Variants in UTP20 observed in about 807,000 individuals in gnomAD.
The protein encoded by UTP20 is UTP20 small subunit processome component.
In UTP20, 164 loss-of-function variants were observed where a neutral mutation model predicts 329.5. That is an observed-to-expected ratio of 0.50 (90% confidence interval 0.44 to 0.57). UTP20 has a LOEUF of 0.57. UTP20 is among the 20% of genes least tolerant of loss of function. The pLI is 0.00. For synonymous variants in UTP20, 1,151 were observed against 1,159.3 expected (o/e 0.99, Z 0.14); for missense variants, 3,055 against 3,284.2 (o/e 0.93, Z 1.71).
rs1330692306 is a variant in UTP20 at position 101,310,595 on chromosome 12, A to AAAAAAAAAAAAG, written c.2231+759_2231+760insAAAAAAAAGAAA. Among the ~76,000 whole-genome samples the AAAAAAAAAAAAG allele has an allele frequency of 1.1e-3, 129 of 121,710 alleles. 5 individuals are homozygous for AAAAAAAAAAAAG. The highest frequency in any genetic ancestry group is 2.1e-3 in the Non-Finnish European group (103 of 49,768). The allele number at this position is 121,710 out of a possible 152,430, so 79.8% of individuals were successfully genotyped here. ...TGTCTCCCAAAAAAAAAAAAAAAAA[A>AAAAAAAAAAAAG]AAATACATGTTATGGCTCATGTGTA... On this transcript the variant is annotated intron_variant, in intron 19 of 61. Coordinates refer to ENST00000261637, the MANE Select transcript of UTP20 (RefSeq NM_014503.3).
chr12:101,326,902 T>G, intron 25 of UTP20, 179 bp from the exon 26 acceptor site: 1 of 646,238 alleles, frequency 1.5e-6, no homozygotes, highest in Non-Finnish European at 2.4e-6. Flanking sequence ...TTAGCCTTAT[T>G]TTGTTGTTGA....
chr12:101,386,102 A>T lies in UTP20; in HGVS notation c.8337A>T (p.Lys2779Asn), dbSNP rs1280490446. ...AGAGACAAAAAAGCCATAGCCTGAA[A>T]GATTTAGCAATGGTGGAGTAATGTC... is the stretch of plus-strand genomic sequence containing the variant. The part of the protein sequence containing the change: ...KAKRQKSHSL[K>N]DLAMVE The change falls in exon 62 of 62, where the codon AAA becomes AAT. Residue 2779 changes from lysine to asparagine, a missense_variant. Around this residue, in one of 3 missense-constraint regions of UTP20, gnomAD observed 337 missense variants for 345.5 expected, o/e 0.98. Transcript: ENST00000261637. 6.2e-7 allele frequency: 1 copy of T among 1,606,284 alleles called. No homozygotes were observed.
rs760099420 is a variant in UTP20 at position 101,327,179 on chromosome 12, G to T, written c.3140G>T (p.Gly1047Val). The T allele has an allele frequency of 1.9e-6, 3 of 1,613,042 alleles. No homozygotes were observed. The highest frequency in any genetic ancestry group is 2.5e-6 in the Non-Finnish European group (3 of 1,179,156). ...RMAIVLRFLAGTQPEEIQIFL... is the reference protein window; with the variant it reads ...RMAIVLRFLAVTQPEEIQIFL... ...GCCATTGTCCTGCGGTTCCTGGCCG[G>T]GACCCAACCTGAGGAGATCCAGATA... The change falls in exon 26 of 62, where the codon GGG becomes GTG. Residue 1047 changes from glycine to valine, a missense_variant. Coordinates refer to ENST00000261637, the MANE Select transcript of UTP20 (RefSeq NM_014503.3).
rs753475253 is a variant in UTP20 at position 101,312,074 on chromosome 12, G to A, written c.2350G>A (p.Val784Ile). The part of the protein sequence containing the change: ...LQNDMTDEKS[V>I]GDESWEQTQE... The stretch of plus-strand genomic sequence containing the variant: ...GAATGATATGACAGATGAGAAGTCC[G>A]TTGGAGATGAAAGTTGGGAGCAGAC... Residue 784 changes from valine (V) to isoleucine (I), a missense_variant, in exon 21 of 62, where the codon GTT (valine) becomes ATT (isoleucine). By Grantham distance (29) the Val-to-Ile change is conservative. This residue lies in a region of UTP20 where 2,445 missense variants were observed against 2,575.5 expected (regional missense o/e 0.95). Transcript: ENST00000261637. The A allele has an allele frequency of 8.7e-6, 14 of 1,614,106 alleles. No individual in the cohort carries two copies. In the East Asian group the frequency reaches 8.9e-5, roughly 10 times the overall value.
intron 45 of UTP20, 85 bp downstream of exon 45, chr12:101,363,828 A>T: frequency 1.1e-6 from 1 of 876,958 alleles, no homozygotes; most frequent in Non-Finnish European, 1.8e-6. Flanking sequence ...AAACTGAAAC[A>T]CTGTTCTTGA....
In UTP20 at chr12:101,375,735, G is replaced by A. The variant is rs1870449640; in HGVS notation, c.7375G>A (p.Glu2459Lys). The A allele has an allele frequency of 6.3e-7, 1 of 1,578,488 alleles. No homozygotes were observed. Among genetic ancestry groups the A allele is most frequent in the Admixed American group, 1.7e-5 (1 of 58,504 alleles). Residue 2459 changes from glutamate to lysine, a missense_variant, in exon 56 of 62, where the codon GAG (glutamate) becomes AAG (lysine). Physicochemically the swap from Glu to Lys is moderately conservative, Grantham distance 56. This residue lies in a region of UTP20 where 273 missense variants were observed against 363.1 expected (regional missense o/e 0.75). Transcript: ENST00000261637. ...TATTATTCAGTTTACCAAACCCGCTGAGACTTTGAGTAAAATCTGGAGTAA... is the reference window on the plus strand; with the variant it reads ...TATTATTCAGTTTACCAAACCCGCTAAGACTTTGAGTAAAATCTGGAGTAA... ...CNIIQFTKPA[E>K]TLSKIWSHVH...
At chr12:101,379,188 T>G (rs1870567281) in intron 56 of UTP20, among the ~76,000 whole-genome samples, 183 bp from the exon 57 acceptor site, 1 of 152,204 alleles carries the variant, frequency 6.6e-6, no homozygotes, top group Non-Finnish European at 1.5e-5. Context: ...CTAATTCTAT[T>G]TTTGTACACA....
In UTP20 at chr12:101,317,527, C is replaced by T. The variant is rs747352423; in HGVS notation, c.2602C>T (p.Arg868Trp). 24 of 1,613,924 alleles carry T rather than the reference C, an allele frequency of 1.5e-5. No individual in the cohort carries two copies. The highest frequency in any genetic ancestry group is 4.5e-5 in the East Asian group (2 of 44,890). The part of the protein sequence containing the change: ...DLQVAPTQDL[R>W]RKGKGMVAEE... ...GCAAGTTGCTCCAACCCAGGATCTA[C>T]GGAGAAAAGGCAAAGGGATGGTGGC... The change falls in exon 22 of 62, where the codon CGG becomes TGG. Residue 868 changes from arginine (R) to tryptophan (W), a missense_variant. By Grantham distance (101) the Arg-to-Trp change is moderately radical. This residue lies in a region of UTP20 where 2,445 missense variants were observed against 2,575.5 expected (regional missense o/e 0.95). Coordinates refer to ENST00000261637, the MANE Select transcript of UTP20 (RefSeq NM_014503.3).
chr12:101,281,162 T>C lies in UTP20; in HGVS notation c.92T>C (p.Ile31Thr). The C allele has an allele frequency of 6.2e-7, 1 of 1,613,396 alleles. No individual in the cohort carries two copies. The highest frequency in any genetic ancestry group is 1.7e-4 in the Middle Eastern group (1 of 6,046). The change falls in exon 2 of 62, where the codon ATT becomes ACT. Residue 31 changes from isoleucine (I) to threonine (T), a missense_variant. By Grantham distance (89) the Ile-to-Thr change is moderately conservative. This residue lies in a region of UTP20 where 2,445 missense variants were observed against 2,575.5 expected (regional missense o/e 0.95). Coordinates refer to ENST00000261637, the MANE Select transcript of UTP20 (RefSeq NM_014503.3). ...ERLGNVNIDIIHRIDRTASYE... is the reference protein window; with the variant it reads ...ERLGNVNIDITHRIDRTASYE... ...CTGGGGAATGTTAATATTGATATTA[T>C]TCACCGGATTGATAGAACTGCAAGC...
chr12:101,321,176 C>T (rs1868363585), intron 24 of UTP20, among the ~76,000 whole-genome samples: 1 of 152,010 alleles, frequency 6.6e-6, no homozygotes, highest in Non-Finnish European at 1.5e-5. Flanking sequence ...TCATTTTCCT[C>T]TTCTTATTAA....
chr12:101,343,167 G>C, intron 35 of UTP20, 74 bp downstream of exon 35: 1 of 1,070,316 alleles, frequency 9.3e-7, no homozygotes, highest in South Asian at 2.5e-5. Flanking sequence ...ACAGTGACCT[G>C]ATCTTTAAAT....
chr12:101,358,395 T>C (rs1465754944), intron 43 of UTP20, among the ~76,000 whole-genome samples: 1 of 152,252 alleles, frequency 6.6e-6, no homozygotes, highest in Non-Finnish European at 1.5e-5. Context: ...TTGCTTATAA[T>C]TGTCAAACAA....
intron 23 of UTP20, among the ~76,000 whole-genome samples, chr12:101,320,018 T>C (rs12815587): frequency 0.13 from 19,059 of 152,242 alleles, 1,392 homozygotes; most frequent in Middle Eastern, 0.23. Context: ...CAGGATCTAT[T>C]GTAGTCCATT....
chr12:101,280,115 C>T lies in UTP20; in HGVS notation c.-168C>T. On this transcript the variant is annotated 5_prime_UTR_variant, in exon 1 of 62. Transcript: ENST00000261637. ...CCGTCCACGTGACCCACTCAGGCTC[C>T]TCCTTGTCTCCAACATGGCGGCGCC... 1.2e-6 allele frequency: 1 copy of T among 828,528 alleles called. No individual in the cohort carries two copies. Among genetic ancestry groups the T allele is most frequent in the Non-Finnish European group, 1.9e-6 (1 of 537,306 alleles). The allele number at this position is 828,528 out of a possible 1,614,324, so 51.3% of individuals were successfully genotyped here.
chr12:101,286,444 C>G lies in UTP20; in HGVS notation c.450C>G (p.Thr150=), dbSNP rs755206382. The change falls in exon 5 of 62, where the codon ACC becomes ACG. Residue 150 remains threonine, a synonymous_variant. Coordinates refer to ENST00000261637, the MANE Select transcript of UTP20 (RefSeq NM_014503.3). ...QDTELLEWAF[T]SLSYLYKYLW... ...CAGAGTTGTTAGAATGGGCTTTCAC[C>G]TCGTTATCATATCTTTATAAGTACC... 3.5e-5 allele frequency: 56 copies of G among 1,613,856 alleles called. No individual in the cohort carries two copies. Among genetic ancestry groups the G allele is most frequent in the Non-Finnish European group, 4.7e-5 (56 of 1,179,950 alleles).
chr12:101,315,195 G>C (rs1211707029), intron 21 of UTP20, among the ~76,000 whole-genome samples: 1 of 151,224 alleles, frequency 6.6e-6, no homozygotes, highest in East Asian at 2.0e-4. Flanking sequence ...GGATAAAATG[G>C]CTAGAACTGG....
chr12:101,363,681 G>A lies in UTP20; in HGVS notation c.5896G>A (p.Glu1966Lys). 2 of 1,613,152 alleles carry A rather than the reference G, an allele frequency of 1.2e-6. No homozygotes were observed. The highest frequency in any genetic ancestry group is 1.3e-5 in the African/African-American group (1 of 75,028). ...AAGAAGCAAAAGTTACGACTCTTAT[G>A]AAATCCTCGGCAAGTTTGTAGGAAA... Reference protein sequence around the residue: ...ARRSKSYDSYEILGKFVGKDQ... With the variant: ...ARRSKSYDSYKILGKFVGKDQ... Residue 1966 changes from glutamate (E) to lysine (K), a missense_variant, in exon 45 of 62, where the codon GAA becomes AAA. By Grantham distance (56) the Glu-to-Lys change is moderately conservative. This residue lies in a region of UTP20 where 2,445 missense variants were observed against 2,575.5 expected (regional missense o/e 0.95). Coordinates refer to ENST00000261637, the MANE Select transcript of UTP20 (RefSeq NM_014503.3).
chr12:101,341,493 C>A (rs1869134677), intron 32 of UTP20, among the ~76,000 whole-genome samples: 2 of 152,208 alleles, frequency 1.3e-5, no homozygotes, highest in South Asian at 4.1e-4. Flanking sequence ...GACCACAGAT[C>A]TGTAGACAAC....
chr12:101,318,831 G>GGA (rs1873058936), intron 22 of UTP20, among the ~76,000 whole-genome samples: 2 of 97,692 alleles, frequency 2.0e-5, no homozygotes, highest in African/African-American at 7.6e-5. Flanking sequence ...ACTCCATCTT[G>GGA]AAAAAAAAAA....
Sources: gnomAD v4.1 joint callset for allele counts (sites outside exome capture counted in the v4.1 genomes callset) on GRCh38, gnomAD v4.1.1 for gene constraint, gnomAD v4.1.1 regional missense constraint, MANE v1.5 for transcripts, NCBI Gene and HGNC (gene_info 2026-07-23, HGNC 2026-07-21) for gene names.